TTN: variants seen among roughly 807,000 people sequenced by gnomAD.
The protein encoded by TTN is connectin.
Under a neutral mutation model 3,223.0 loss-of-function variants are expected in TTN, and 1,525 were observed. That is an observed-to-expected ratio of 0.47 (90% CI 0.45 to 0.49). The LOEUF is 0.49. Among genes scored for constraint, TTN ranks in the 20% least tolerant of loss-of-function variants. The probability of loss-of-function intolerance (pLI) is 0.00; values close to 1 mark genes in which losing one functional copy is unlikely to be tolerated. For missense variants in TTN, 40,786 were observed against 43,424.0 expected (o/e 0.94, Z 5.40); for synonymous variants, 14,094 against 15,161.0 (o/e 0.93, Z 5.17).
rs1437354771 is a variant in TTN, at chr2:178,680,034, A to G, written c.33440T>C (p.Leu11147Pro). 2 of 1,613,036 alleles carry G rather than the reference A, an allele frequency of 1.2e-6. No individual in the cohort carries two copies. The highest frequency in any genetic ancestry group is 1.7e-6 in the Non-Finnish European group (2 of 1,179,420). The change falls in exon 140 of 363, where the codon CTT (leucine) becomes CCT (proline). Residue 11147 changes from leucine (L) to proline (P), a missense_variant. Transcript: ENST00000589042. ...TTCAAAGGCAACCTCTTCTGGTTCAAGTTCTTTAGGCACTTCTGGCACTTT... is the reference window on the plus strand; with the variant it reads ...TTCAAAGGCAACCTCTTCTGGTTCAGGTTCTTTAGGCACTTCTGGCACTTT... ...PVRVPEVPKE[L>P]EPEEVAFEEE...
In TTN at chr2:178,684,982, T is replaced by C; in HGVS notation, c.32478A>G (p.Glu10826=). The change falls in exon 130 of 363, where the codon GAA becomes GAG. Residue 10826 remains glutamate (E), a synonymous_variant. Coordinates refer to ENST00000589042, the MANE Select transcript of TTN (RefSeq NM_001267550.2). ...IEEPPPAKVP[E]APKKIVPEKK... ...TTTCTGGCACAATTTTCTTAGGTGC[T>C]TCAGGAACTTTAGAAAGATTAGGTT... The C allele has an allele frequency of 1.2e-6, 2 of 1,600,652 alleles. No homozygotes were observed. The highest frequency in any genetic ancestry group is 8.5e-7 in the Non-Finnish European group (1 of 1,172,122).
rs780571969 is a variant in TTN at position 178,712,252 on chromosome 2, A to T, written c.27608-30T>A. 10 of 1,610,100 alleles carry T rather than the reference A, an allele frequency of 6.2e-6. No homozygotes were observed. In the South Asian group the frequency reaches 6.6e-5, roughly 11 times the overall value. On this transcript the variant is annotated intron_variant, in intron 95 of 362. Transcript: ENST00000589042. ...AGCCAAGAGAGATAATCAATCAGTCATGAAGGAGACATGCCAGATCATCGA... is the reference window on the plus strand; with the variant it reads ...AGCCAAGAGAGATAATCAATCAGTCTTGAAGGAGACATGCCAGATCATCGA...
intron 168 of TTN, 100 bp from the exon 169 acceptor site, chr2:178,664,198 G>A (rs1471592474): frequency 2.8e-5 from 33 of 1,188,562 alleles, no homozygotes; most frequent in Non-Finnish European, 3.7e-5. Flanking sequence ...TTTCTCCTGA[G>A]CTGAGATCAG....
intron 108 of TTN, 45 bp downstream of exon 108, chr2:178,702,123 G>A (rs746706555): frequency 6.6e-5 from 106 of 1,613,096 alleles, no homozygotes; most frequent in South Asian, 4.8e-4. Flanking sequence ...GGTAGGCTAC[G>A]TGTTTCGAAG....
chr2:178,719,393 C>T lies in TTN; in HGVS notation c.23997G>A (p.Gly7999=), dbSNP rs1261213256. The T allele has an allele frequency of 1.9e-6, 3 of 1,613,480 alleles. No homozygotes were observed. In the East Asian group the frequency reaches 6.7e-5, roughly 36 times the overall value. Residue 7999 remains glycine (G), a synonymous_variant, in exon 83 of 363, where the codon GGG becomes GGA. Coordinates refer to ENST00000589042, the MANE Select transcript of TTN (RefSeq NM_001267550.2). ...RKLKDVNAIL[G]ASVVLECRVS... is the part of the protein sequence containing the mutation. ...CTCGGCACTCCAAAACAACTGAGGC[C>T]CCCAGGATGGCATTCACGTCTTTCA...
chr2:178,760,706 A>G (rs2088860086), intron 43 of TTN, among the ~76,000 whole-genome samples: 1 of 152,202 alleles, frequency 6.6e-6, no homozygotes, highest in Admixed American at 6.5e-5. Context: ...GAAGGGCTTT[A>G]TAAGCCACTG....
Position 178,695,502 on chromosome 2 carries a change from T to C in TTN, c.31208-92A>G, listed in dbSNP as rs545861416. Reference sequence around the variant, plus strand: ...CAAATGAGATAAGGTAAGGATAATATATAATCGTGTGAAGTATTATATTTG... The same window carrying C: ...CAAATGAGATAAGGTAAGGATAATACATAATCGTGTGAAGTATTATATTTG... On this transcript the variant is annotated intron_variant, in intron 114 of 362. Transcript: ENST00000589042. The C allele has an allele frequency of 8.1e-4, 788 of 975,854 alleles. 3 individuals carry two copies. The highest frequency in any genetic ancestry group is 8.3e-4 in the Non-Finnish European group (514 of 622,690). 60.4% of individuals were successfully genotyped at this position (975,854 alleles called of 1,614,324 possible). A position where few individuals can be genotyped will look rare whatever the true frequency, so the allele number is the denominator to read the frequency against.
chr2:178,630,964 C>T, intron 237 of TTN, 21 bp from the exon 238 acceptor site: 1 of 1,612,162 alleles, frequency 6.2e-7, no homozygotes, highest in Non-Finnish European at 8.5e-7. Context: ...GAAGGGCCAG[C>T]ATGGGTCATT....
At chr2:178,694,262 T>C (rs1380002613) in intron 117 of TTN, among the ~76,000 whole-genome samples, 2 of 152,162 alleles carry the variant, frequency 1.3e-5, no homozygotes, top group Non-Finnish European at 2.9e-5. Flanking sequence ...ATGTTGTGCT[T>C]TTCCAAATCT....
At position 178,733,522 on chromosome 2, in the gene TTN, A is replaced by C. The variant is rs565481472; in HGVS notation, c.15776-5T>G. ...GCTCAATGATTTTGGCAGGTTCTAC[A>C]ATGGTATGAAATAGTTAGCACCCTA... is the stretch of plus-strand genomic sequence containing the variant. On this transcript the variant is annotated splice_polypyrimidine_tract_variant and splice_region_variant and intron_variant, in intron 53 of 362. Transcript: ENST00000589042. 6.2e-7 allele frequency: 1 copy of C among 1,606,296 alleles called. No individual in the cohort carries two copies. Among genetic ancestry groups the C allele is most frequent in the East Asian group, 2.2e-5 (1 of 44,712 alleles).
intron 47 of TTN, chr2:178,744,505 A>G (rs1225900246): frequency 6.0e-5 from 52 of 864,406 alleles, no homozygotes; most frequent in Non-Finnish European, 7.2e-5. Flanking sequence ...TTTTAATTTT[A>G]AAAGACAAAA....
Position 178,741,829 on chromosome 2 carries a change from AC to A in TTN, c.11403del (p.Leu3801PhefsTer31). 1 of 1,611,448 alleles carries A rather than the reference AC, an allele frequency of 6.2e-7. No individual in the cohort carries two copies. Among genetic ancestry groups the A allele is most frequent in the Non-Finnish European group, 8.5e-7 (1 of 1,178,700 alleles). ...LSKINETLEL[L>X]SESPVYPTKF... is the part of the protein sequence containing the mutation. ...TTAGTTGGGTAAACTGGAGATTCAG[AC>A]AAAAGTTCAAGTGTTTCATTTATTT... is the stretch of plus-strand genomic sequence containing the variant. On this transcript the variant is annotated frameshift_variant, in exon 48 of 363. Coordinates refer to ENST00000589042, the MANE Select transcript of TTN (RefSeq NM_001267550.2). LOFTEE classifies it high-confidence loss of function.
At chr2:178,665,059 A>C in intron 165 of TTN, 133 bp from the exon 166 acceptor site, 1 of 1,103,720 alleles carries the variant, frequency 9.1e-7, no homozygotes, top group Non-Finnish European at 1.3e-6. Context: ...CAATAGGCTA[A>C]GTCTTTTAAG....
At position 178,613,077 on chromosome 2, in the gene TTN, A is replaced by G; in HGVS notation, c.49649-5T>C. ...TTCCAGGGGGCCATGGAGGATCTGC[A>G]AGCCAATGAAATCATTGTTTAGGTT... On this transcript the variant is annotated splice_region_variant and splice_polypyrimidine_tract_variant and intron_variant, in intron 264 of 362. Coordinates refer to ENST00000589042, the MANE Select transcript of TTN (RefSeq NM_001267550.2). The G allele has an allele frequency of 6.2e-7, 1 of 1,612,460 alleles. No individual in the cohort carries two copies. The highest frequency in any genetic ancestry group is 2.2e-5 in the East Asian group (1 of 44,630).
chr2:178,691,302 A>C (rs1455111447), intron 121 of TTN, among the ~76,000 whole-genome samples: 2 of 152,186 alleles, frequency 1.3e-5, no homozygotes, highest in African/African-American at 4.8e-5. Flanking sequence ...GTGCTTCAAT[A>C]AGATAGTGCC....
chr2:178,754,363 A>G (rs926080868), intron 46 of TTN, among the ~76,000 whole-genome samples: 6 of 152,082 alleles, frequency 3.9e-5, no homozygotes, highest in African/African-American at 1.4e-4. Flanking sequence ...TTATCTTTCA[A>G]CTTTCTTAGG....
intron 138 of TTN, 124 bp downstream of exon 138, chr2:178,680,955 A>C (rs1166249758): frequency 1.4e-5 from 12 of 871,302 alleles, no homozygotes; most frequent in Non-Finnish European, 1.7e-5. Context: ...ACATTTTTAC[A>C]TCCAACATTC....
At chr2:178,671,230 T>G (rs762666191) in intron 155 of TTN, 60 bp from the exon 156 acceptor site, 1 of 1,278,180 alleles carries the variant, frequency 7.8e-7, no homozygotes, top group Non-Finnish European at 1.1e-6. Flanking sequence ...GGAGCACTAC[T>G]ACTAACGTTA....
chr2:178,566,372 A>G lies in TTN; in HGVS notation c.79760T>C (p.Leu26587Pro), dbSNP rs373278732. 6.2e-7 allele frequency: 1 copy of G among 1,613,500 alleles called. No individual in the cohort carries two copies. Among genetic ancestry groups the G allele is most frequent in the Non-Finnish European group, 8.5e-7 (1 of 1,179,676 alleles). Residue 26587 changes from leucine (L) to proline (P), a missense_variant, in exon 326 of 363, where the codon CTT becomes CCT. By Grantham distance (98) the Leu-to-Pro change is moderately conservative. Transcript: ENST00000589042. The part of the protein sequence containing the change: ...VPGTVKPEDK[L>P]EAPELDLDSE... The stretch of plus-strand genomic sequence containing the variant: ...GTCAAGGTCAAGTTCAGGTGCTTCA[A>G]GTTTATCTTCTGGTTTCACAGTACC...
Sources: gnomAD v4.1 joint callset for allele counts (sites outside exome capture counted in the v4.1 genomes callset) on GRCh38, gnomAD v4.1.1 for gene constraint, MANE v1.5 for transcripts, NCBI Gene and HGNC (gene_info 2026-07-23, HGNC 2026-07-21) for gene names.